The following STPG1 variants were observed in gnomAD, a reference collection of about 807,000 sequenced individuals.
STPG1 encodes sperm tail PG-rich repeat containing 1.
A neutral mutation model predicts 40.1 loss-of-function variants in STPG1; 33 were observed. The observed-to-expected ratio is 0.82, with a 90% confidence interval of 0.62 to 1.10. The LOEUF (loss-of-function observed/expected upper bound fraction) is 1.10, where lower values mean the gene tolerates loss of function less well. Among genes scored for constraint, STPG1 ranks in the 50% least tolerant of loss-of-function variants. STPG1 has a pLI of 0.00. For synonymous variants in STPG1, 150 were observed against 155.0 expected, an observed-to-expected ratio of 0.97 and a Z score of 0.24; for missense variants, 396 against 415.1, an observed-to-expected ratio of 0.95 and a Z score of 0.40.
chr1:24,388,454 A>G (rs1642609135), intron 3 of STPG1, among the ~76,000 whole-genome samples: 1 of 152,236 alleles, frequency 6.6e-6, no homozygotes, highest in African/African-American at 2.4e-5. Flanking sequence ...CAGTCCCGAC[A>G]CTGAGCTCTG....
chr1:24,376,747 C>T (rs181039165), intron 5 of STPG1, among the ~76,000 whole-genome samples: 1 of 152,336 alleles, frequency 6.6e-6, no homozygotes, highest in East Asian at 1.9e-4. Flanking sequence ...GGCATCCGCA[C>T]AGACAGTCGG....
At position 24,369,738 on chromosome 1, in the gene STPG1, C is replaced by T. The variant is rs1366870265; in HGVS notation, c.673G>A (p.Gly225Ser). Residue 225 changes from glycine (G) to serine (S), a missense_variant, in exon 7 of 9, where the codon GGC (glycine) becomes AGC (serine). Transcript: ENST00000337248. ...TNRGLKLTST[G>S]PGPGYYNPSD... Reference sequence around the variant, plus strand: ...GGGTTGTAATAACCAGGTCCCGGGCCTGTTGACGTCAGTTTTAATCCACGG... The same window carrying T: ...GGGTTGTAATAACCAGGTCCCGGGCTTGTTGACGTCAGTTTTAATCCACGG... The T allele has an allele frequency of 6.2e-7, 1 of 1,612,808 alleles. No individual in the cohort carries two copies. The highest frequency in any genetic ancestry group is 8.5e-7 in the Non-Finnish European group (1 of 1,179,090).
chr1:24,369,282 CA>C (rs1641615300), intron 7 of STPG1: 2 of 455,528 alleles, frequency 4.4e-6, no homozygotes, highest in Non-Finnish European at 8.9e-6. Flanking sequence ...ATGTCAGCAC[CA>C]GGGGAATCCA....
chr1:24,381,744 C>T (rs1642294040), intron 4 of STPG1, among the ~76,000 whole-genome samples: 1 of 152,220 alleles, frequency 6.6e-6, no homozygotes, highest in Non-Finnish European at 1.5e-5. Flanking sequence ...AATCACATTC[C>T]TACTGGTCAT....
At chr1:24,382,316 A>C (rs1642322158) in intron 4 of STPG1, among the ~76,000 whole-genome samples, 1 of 152,244 alleles carries the variant, frequency 6.6e-6, no homozygotes, top group South Asian at 2.1e-4. Context: ...TAGGTGTTGC[A>C]GGAAGTATTG....
intron 4 of STPG1, 33 bp from the exon 5 acceptor site, chr1:24,379,856 T>C: frequency 6.2e-7 from 1 of 1,602,286 alleles, no homozygotes; most frequent in South Asian, 1.1e-5. Flanking sequence ...ATCAGCATTG[T>C]CACATAATAT....
chr1:24,382,619 A>G (rs1642336194), intron 4 of STPG1, among the ~76,000 whole-genome samples: 1 of 152,180 alleles, frequency 6.6e-6, no homozygotes, highest in South Asian at 2.1e-4. Flanking sequence ...AGGTAGAGGC[A>G]TGGCTGTTCT....
At position 24,399,870 on chromosome 1, in the gene STPG1, C is replaced by T. The variant is rs567481225; in HGVS notation, c.70+1449G>A. ...CAATGCAAATTAAAACTATTATGAG[C>T]TTAAAATGTTGGTGAGGATTTGGAG... is the stretch of plus-strand genomic sequence containing the variant. On this transcript the variant is annotated intron_variant, in intron 2 of 8. Coordinates refer to ENST00000337248, the MANE Select transcript of STPG1 (RefSeq NM_001199013.2). This position sits in a 1 kb window ranked among gnomAD's most constrained non-coding sequence, Gnocchi z 4.0. 4.6e-5 allele frequency among the ~76,000 whole-genome samples: 7 copies of T among 152,274 alleles called. No individual in the cohort carries two copies. Among genetic ancestry groups the T allele is most frequent in the African/African-American group, 1.2e-4 (5 of 41,560 alleles).
intron 6 of STPG1, 137 bp from the exon 7 acceptor site, chr1:24,369,976 A>G (rs1214809219): frequency 4.8e-6 from 3 of 624,732 alleles, no homozygotes; most frequent in Non-Finnish European, 7.8e-6. Flanking sequence ...GGGCTGACTG[A>G]GATAGCCAAA....
At position 24,392,676 on chromosome 1, in the gene STPG1, G is replaced by A. The variant is rs575659249; in HGVS notation, c.71-997C>T. ...TGTCCTCAGAAGGCCTCACTATGTG[G>A]GTGATAAGCCTTTTCCTACACTCTT... On this transcript the variant is annotated intron_variant, in intron 2 of 8. Coordinates refer to ENST00000337248, the MANE Select transcript of STPG1 (RefSeq NM_001199013.2). Among the ~76,000 whole-genome samples, 9 of 152,256 alleles carry A rather than the reference G, an allele frequency of 5.9e-5. No homozygotes were observed. The South Asian group carries it at 1.9e-3, about 32-fold the overall frequency.
rs1557459643 is a variant in STPG1 at position 24,399,418 on chromosome 1, T to C, written c.70+1901A>G. Reference sequence around the variant, plus strand: ...ATCAAAAACAATTTCAAGTGAATTGTAGATCTAGATGTAAAAGGTAAAATA... The same window carrying C: ...ATCAAAAACAATTTCAAGTGAATTGCAGATCTAGATGTAAAAGGTAAAATA... On this transcript the variant is annotated intron_variant, in intron 2 of 8. Coordinates refer to ENST00000337248, the MANE Select transcript of STPG1 (RefSeq NM_001199013.2). The surrounding 1 kb of genome is among the most constrained non-coding windows in gnomAD (Gnocchi z 4.0). Among the ~76,000 whole-genome samples, 1 of 152,270 alleles carries C rather than the reference T, an allele frequency of 6.6e-6. No individual in the cohort carries two copies. Among genetic ancestry groups the C allele is most frequent in the African/African-American group, 2.4e-5 (1 of 41,558 alleles).
rs773491133 is a variant in STPG1, at chr1:24,383,910, G to A, written c.283C>T (p.Pro95Ser). The part of the protein sequence containing the change: ...SLSKKGTCMF[P>S]SMCARLDTII... ...AGAGAAGTGGTTCTCACCATTGAGG[G>A]AAACATGCAAGTTCCTTTCTTGGAC... Residue 95 changes from proline to serine, a missense_variant, in exon 4 of 9, where the codon CCC becomes TCC. Physicochemically the swap from Pro to Ser is moderately conservative, Grantham distance 74. Transcript: ENST00000337248. 3 of 1,609,238 alleles carry A rather than the reference G, an allele frequency of 1.9e-6. No homozygotes were observed. Among genetic ancestry groups the A allele is most frequent in the African/African-American group, 1.3e-5 (1 of 74,960 alleles).
chr1:24,359,564 T>A lies in STPG1; in HGVS notation c.929-945A>T, dbSNP rs2148674054. Among the ~76,000 whole-genome samples, 1 of 152,296 alleles carries A rather than the reference T, an allele frequency of 6.6e-6. No homozygotes were observed. Among genetic ancestry groups the A allele is most frequent in the Middle Eastern group, 3.4e-3 (1 of 294 alleles). ...TCTCCTGGCCCAGTCTGCCTTATGT[T>A]AGTCTCACCTGTGAGTATGGAGCTG... On this transcript the variant is annotated intron_variant, in intron 8 of 8. Transcript: ENST00000337248. This position sits in a 1 kb window ranked among gnomAD's most constrained non-coding sequence, Gnocchi z 5.3.
intron 2 of STPG1, among the ~76,000 whole-genome samples, chr1:24,392,708 CGT>C (rs1024048651): frequency 1.3e-5 from 2 of 152,122 alleles, no homozygotes; most frequent in African/African-American, 4.8e-5. Context: ...TCTTCATGAG[CGT>C]GTGTGTGGCA....
chr1:24,367,343 C>T (rs1009527457), intron 7 of STPG1, among the ~76,000 whole-genome samples: 2 of 152,156 alleles, frequency 1.3e-5, no homozygotes, highest in African/African-American at 2.4e-5. Context: ...CCAGATAAAG[C>T]AGTTAAAAAT....
chr1:24,388,676 A>G (rs1244395521), intron 3 of STPG1, among the ~76,000 whole-genome samples: 1 of 152,236 alleles, frequency 6.6e-6, no homozygotes, highest in African/African-American at 2.4e-5. Flanking sequence ...GTGGGTGACT[A>G]ATGCTTTAAG....
chr1:24,389,663 T>C (rs1023577592), intron 3 of STPG1, among the ~76,000 whole-genome samples: 1 of 152,128 alleles, frequency 6.6e-6, no homozygotes, highest in African/African-American at 2.4e-5. Context: ...ATAGTAAGGA[T>C]AAGTAAATGG....
intron 7 of STPG1, chr1:24,364,480 AAAT>A: frequency 7.2e-7 from 1 of 1,388,352 alleles, no homozygotes; most frequent in Non-Finnish European, 9.3e-7. Context: ...TTTGCATTTA[AAAT>A]GTTGCATTTT....
chr1:24,391,928 A>C, intron 2 of STPG1: 1 of 1,196,262 alleles, frequency 8.4e-7, no homozygotes. Context: ...AAGTACCTTA[A>C]ACAGGCTGTC....
Sources: allele counts gnomAD v4.1 joint callset (sites outside exome capture counted in the v4.1 genomes callset), GRCh38; gene constraint gnomAD v4.1.1; non-coding constraint Gnocchi (gnomAD v3.1); transcripts MANE v1.5; gene names NCBI Gene and HGNC (gene_info 2026-07-23, HGNC 2026-07-21).